PLXNC1: variants seen among roughly 807,000 people sequenced by gnomAD.
The protein encoded by PLXNC1 is plexin C1, also known as plexin-C1.
PLXNC1 carries 75 observed loss-of-function variants against 178.2 expected under a neutral mutation model. The ratio of observed to expected loss-of-function variants is 0.42; its 90% CI spans 0.35 to 0.51. PLXNC1 has a LOEUF of 0.51. Among genes scored for constraint, PLXNC1 ranks in the 20% least tolerant of loss-of-function variants. The pLI is 0.02. For missense variants in PLXNC1, 1,503 were observed against 1,984.4 expected (o/e 0.76, Z 4.61); for synonymous variants, 790 against 779.9 (o/e 1.01, Z -0.22).
chr12:94,237,547 C>T (rs1488846841), intron 9 of PLXNC1, 117 bp from the exon 10 acceptor site: 17 of 803,580 alleles, frequency 2.1e-5, no homozygotes, highest in Admixed American at 5.4e-5. Flanking sequence ...TGCTTGTGTT[C>T]GCAAAATGTT....
chr12:94,273,131 G>A (rs966797667), intron 21 of PLXNC1, among the ~76,000 whole-genome samples: 1 of 152,240 alleles, frequency 6.6e-6, no homozygotes. Flanking sequence ...GAGCAGTTGT[G>A]AGGATTGAAT....
In PLXNC1 at chr12:94,237,775, A is replaced by G; in HGVS notation, c.2092A>G (p.Lys698Glu). The G allele has an allele frequency of 5.0e-6, 8 of 1,614,002 alleles. No individual in the cohort carries two copies. The highest frequency in any genetic ancestry group is 6.8e-6 in the Non-Finnish European group (8 of 1,179,958). ...TRASNITMIL[K>E]GTSTCDKDVI... is the part of the protein sequence containing the mutation. The stretch of plus-strand genomic sequence containing the variant: ...GGCATCGAACATCACAATGATCCTG[A>G]AAGGAACCAGTACCTGTGATAAGGA... Residue 698 changes from lysine (K) to glutamate (E), a missense_variant, in exon 10 of 31, where the codon AAA (lysine) becomes GAA (glutamate). Lys to Glu is a moderately conservative substitution (Grantham distance 56). Around this residue, in one of 4 missense-constraint regions of PLXNC1, gnomAD observed 615 missense variants for 698.6 expected, o/e 0.88. Transcript: ENST00000258526.
At chr12:94,177,137 A>ATATATGTG (rs201041826) in intron 2 of PLXNC1, among the ~76,000 whole-genome samples, 1 of 67,422 alleles carries the variant, frequency 1.5e-5, no homozygotes, top group Non-Finnish European at 2.8e-5. Context: ...GTGTATATAT[A>ATATATGTG]TGTGTGTGTG....
chr12:94,266,365 C>G (rs1418090207), intron 21 of PLXNC1, among the ~76,000 whole-genome samples: 1 of 152,204 alleles, frequency 6.6e-6, no homozygotes, highest in Admixed American at 6.5e-5. Context: ...CAACACTTCT[C>G]AGCGTTCTGA....
intron 23 of PLXNC1, among the ~76,000 whole-genome samples, chr12:94,293,543 G>A (rs1415674991): frequency 2.0e-5 from 3 of 152,208 alleles, no homozygotes; most frequent in Non-Finnish European, 4.4e-5. Context: ...CCCTCCTCCT[G>A]GTTTGCTGAG....
At chr12:94,282,423 G>T (rs781245903) in intron 23 of PLXNC1, 22 bp downstream of exon 23, 4 of 1,471,532 alleles carry the variant, frequency 2.7e-6, no homozygotes, top group South Asian at 2.3e-5. Flanking sequence ...ACTTGACCCC[G>T]TGTCTCCTTC....
chr12:94,257,822 G>C (rs1964892828), intron 17 of PLXNC1, among the ~76,000 whole-genome samples: 1 of 152,166 alleles, frequency 6.6e-6, no homozygotes, highest in African/African-American at 2.4e-5. Flanking sequence ...CAGGAGAATG[G>C]TGTGAACCTG....
At position 94,219,803 on chromosome 12, in the gene PLXNC1, T is replaced by TTTTATTTATTTA. The variant is rs61371301; in HGVS notation, c.1555-179_1555-168dup. On this transcript the variant is annotated intron_variant, in intron 5 of 30. Transcript: ENST00000258526. ...CAACAAAACATCTATTCTTTTATAT[T>TTTTATTTATTTA]TTTATTTATTTATTTATTTATTTAT... Among the ~76,000 whole-genome samples, 7 of 116,396 alleles carry TTTTATTTATTTA rather than the reference T, an allele frequency of 6.0e-5. No homozygotes were observed. The East Asian group carries it at 1.5e-3, about 25-fold the overall frequency. 76.4% of individuals were successfully genotyped at this position (116,396 alleles called of 152,430 possible).
chr12:94,269,857 C>T (rs1281627844), intron 21 of PLXNC1, among the ~76,000 whole-genome samples: 1 of 152,148 alleles, frequency 6.6e-6, no homozygotes, highest in East Asian at 1.9e-4. Flanking sequence ...AGAGTGAAAC[C>T]ACTTTTTACA....
chr12:94,219,803 T>TTTTTTTTA (rs1555200397), intron 5 of PLXNC1, among the ~76,000 whole-genome samples: 2 of 116,396 alleles, frequency 1.7e-5, no homozygotes, highest in Non-Finnish European at 4.1e-5. Context: ...TCTTTTATAT[T>TTTTTTTTA]TTTATTTATT....
chr12:94,236,587 CT>C (rs1451459203), intron 9 of PLXNC1, among the ~76,000 whole-genome samples: 1 of 152,178 alleles, frequency 6.6e-6, no homozygotes, highest in Non-Finnish European at 1.5e-5. Context: ...GATTAAGCAT[CT>C]CTGGACTTTG....
intron 27 of PLXNC1, 73 bp from the exon 28 acceptor site, chr12:94,300,837 C>A: frequency 7.0e-7 from 1 of 1,425,052 alleles, no homozygotes; most frequent in Non-Finnish European, 9.6e-7. Context: ...CACCCGTTTA[C>A]AAACTGTGAT....
At chr12:94,178,126 G>C (rs967867946) in intron 2 of PLXNC1, among the ~76,000 whole-genome samples, 1 of 152,140 alleles carries the variant, frequency 6.6e-6, no homozygotes, top group Non-Finnish European at 1.5e-5. Flanking sequence ...CTATTATCTA[G>C]AGCAGTCTCC....
chr12:94,149,721 C>G lies in PLXNC1; in HGVS notation c.750C>G (p.Pro250=). The stretch of plus-strand genomic sequence containing the variant: ...GCAGCATCTACTTCCCCTACTACCC[C>G]TACAACTACACGAGCGGCGCTGCCA... ...WNGSIYFPYY[P]YNYTSGAATG... is the part of the protein sequence containing the mutation. The change falls in exon 1 of 31, where the codon CCC becomes CCG. Residue 250 remains proline (P), a synonymous_variant. Coordinates refer to ENST00000258526, the MANE Select transcript of PLXNC1 (RefSeq NM_005761.3). The G allele has an allele frequency of 1.9e-6, 3 of 1,612,472 alleles. No homozygotes were observed. Among genetic ancestry groups the G allele is most frequent in the Non-Finnish European group, 2.5e-6 (3 of 1,179,540 alleles).
At chr12:94,199,105 C>T (rs1176215023) in intron 4 of PLXNC1, among the ~76,000 whole-genome samples, 5 of 152,148 alleles carry the variant, frequency 3.3e-5, no homozygotes, top group East Asian at 1.9e-4. Context: ...TAAATTTAAA[C>T]GGGAGCCCTG....
At chr12:94,279,762 T>TA in intron 22 of PLXNC1, 113 bp downstream of exon 22, 1 of 946,374 alleles carries the variant, frequency 1.1e-6, no homozygotes, top group Non-Finnish European at 1.7e-6. Context: ...CAGTGACACT[T>TA]ACACAGCCAG....
At chr12:94,172,974 C>G (rs1961902353) in intron 2 of PLXNC1, among the ~76,000 whole-genome samples, 1 of 152,018 alleles carries the variant, frequency 6.6e-6, no homozygotes, top group Admixed American at 6.5e-5. Context: ...TCAAAGGGTC[C>G]TTTGAGAGCA....
At chr12:94,180,681 A>G (rs1281029641) in intron 2 of PLXNC1, among the ~76,000 whole-genome samples, 2 of 152,218 alleles carry the variant, frequency 1.3e-5, no homozygotes, top group Non-Finnish European at 2.9e-5. Flanking sequence ...GTGAACACAA[A>G]CCTACTTGTC....
intron 9 of PLXNC1, among the ~76,000 whole-genome samples, chr12:94,231,545 T>A (rs986001221): frequency 2.0e-5 from 3 of 152,118 alleles, no homozygotes; most frequent in African/African-American, 7.2e-5. Flanking sequence ...TGAGGTAGGG[T>A]CCTGGTTCAG....
Sources: allele counts gnomAD v4.1 joint callset (sites outside exome capture counted in the v4.1 genomes callset), GRCh38; gene constraint gnomAD v4.1.1; regional missense constraint gnomAD v4.1.1; transcripts MANE v1.5; gene names NCBI Gene and HGNC (gene_info 2026-07-23, HGNC 2026-07-21).